Variants in ABLIM1 observed in about 807,000 individuals in gnomAD.
The protein encoded by ABLIM1 is actin-binding LIM protein 1.
A neutral mutation model predicts 107.0 loss-of-function variants in ABLIM1; 40 were observed. The ratio of observed to expected loss-of-function variants is 0.37; its 90% CI spans 0.29 to 0.49. The LOEUF is 0.49. Among genes scored for constraint, ABLIM1 ranks in the 20% least tolerant of loss-of-function variants. The pLI is 0.97. For synonymous variants in ABLIM1, 357 were observed against 357.3 expected (o/e 1.00, Z 0.01); for missense variants, 857 against 1,008.5 (o/e 0.85, Z 2.04).
At chr10:114,798,566 C>CT in the ABLIM1 span, among the ~76,000 whole-genome samples, 2 of 146,002 alleles carry the variant, frequency 1.4e-5, no homozygotes, top group Non-Finnish European at 3.1e-5. Context: ...ACCCCCCCCC[C>CT]ATGTCTACAA....
the ABLIM1 span, among the ~76,000 whole-genome samples, chr10:114,780,628 G>T: frequency 3.9e-5 from 6 of 152,116 alleles, no homozygotes; most frequent in Non-Finnish European, 8.8e-5. Flanking sequence ...TTGGTTTGGT[G>T]GTGTGAAACT....
intron 1 of ABLIM1, among the ~76,000 whole-genome samples, chr10:114,755,489 C>T (rs2082609856): frequency 6.6e-6 from 1 of 152,202 alleles, no homozygotes. Context: ...CTATACCTTA[C>T]TCATTCCTGT....
intron 1 of ABLIM1, among the ~76,000 whole-genome samples, chr10:114,746,795 C>T (rs1341814756): frequency 6.6e-6 from 1 of 152,178 alleles, no homozygotes; most frequent in Non-Finnish European, 1.5e-5. Context: ...ATCTGCATCT[C>T]CCTAATGAGT....
At chr10:114,603,880 G>A (rs2140047444) in intron 1 of ABLIM1, among the ~76,000 whole-genome samples, 1 of 150,528 alleles carries the variant, frequency 6.6e-6, no homozygotes, top group South Asian at 2.1e-4. Flanking sequence ...TTGAACCCAG[G>A]AGGCAGAGGT....
chr10:114,792,695 C>T, the ABLIM1 span, among the ~76,000 whole-genome samples: 87 of 152,310 alleles, frequency 5.7e-4, no homozygotes, highest in African/African-American at 2.0e-3. Context: ...AATCCAATCC[C>T]ATGACTGTTA....
At chr10:114,477,914 G>A (rs1332951079) in intron 8 of ABLIM1, among the ~76,000 whole-genome samples, 3 of 152,092 alleles carry the variant, frequency 2.0e-5, no homozygotes, top group African/African-American at 7.2e-5. Context: ...AGTAGAGATG[G>A]GGTTTCACCC....
intron 6 of ABLIM1, chr10:114,526,694 C>G (rs945995388): frequency 1.0e-6 from 1 of 985,412 alleles, no homozygotes; most frequent in African/African-American, 1.7e-5. Context: ...TAATTCTGTT[C>G]CTTGGCTGTG....
intron 1 of ABLIM1, among the ~76,000 whole-genome samples, chr10:114,672,559 T>A (rs2080302333): frequency 1.3e-5 from 2 of 152,212 alleles, no homozygotes; most frequent in African/African-American, 4.8e-5. Flanking sequence ...TGTAACTATC[T>A]TCTCCTAGAT....
chr10:114,510,881 G>A (rs1314243022), intron 6 of ABLIM1, among the ~76,000 whole-genome samples: 2 of 151,698 alleles, frequency 1.3e-5, no homozygotes, highest in Admixed American at 6.6e-5. Context: ...CAAACTCCTG[G>A]GCTCAAGGGA....
chr10:114,548,543 G>A (rs1346803454), intron 4 of ABLIM1, among the ~76,000 whole-genome samples: 1 of 152,196 alleles, frequency 6.6e-6, no homozygotes, highest in African/African-American at 2.4e-5. Context: ...GCCCTCTGAT[G>A]AGGATTCAGT....
At chr10:114,725,735 A>ATG (rs3981295) in intron 1 of ABLIM1, among the ~76,000 whole-genome samples, 15,693 of 142,160 alleles carry the variant, frequency 0.11, 841 homozygotes, top group Admixed American at 0.17. Flanking sequence ...TATATATAAA[A>ATG]TGTGTGTGTG....
intron 6 of ABLIM1, among the ~76,000 whole-genome samples, chr10:114,509,180 G>A (rs1565698731): frequency 6.6e-6 from 1 of 152,186 alleles, no homozygotes; most frequent in Non-Finnish European, 1.5e-5. Flanking sequence ...GACAACCAGG[G>A]TCACATAAGG....
chr10:114,447,403 A>C (rs2061175857), intron 15 of ABLIM1, among the ~76,000 whole-genome samples: 1 of 152,368 alleles, frequency 6.6e-6, no homozygotes, highest in East Asian at 1.9e-4. Flanking sequence ...AGAAAAATGA[A>C]AGTGCTTCAG....
At chr10:114,746,768 A>G (rs808319) in intron 1 of ABLIM1, among the ~76,000 whole-genome samples, 8,752 of 152,222 alleles carry the variant, frequency 0.057, 329 homozygotes, top group Middle Eastern at 0.095. Flanking sequence ...GTGAGGTGAT[A>G]TTTCATTGTA....
At chr10:114,497,314 A>G (rs527442901) in intron 6 of ABLIM1, among the ~76,000 whole-genome samples, 2 of 152,334 alleles carry the variant, frequency 1.3e-5, no homozygotes, top group African/African-American at 4.8e-5. Context: ...CGGTGCTGCT[A>G]GAGAGCTCAC....
At chr10:114,518,785 A>C (rs2063296846) in intron 6 of ABLIM1, among the ~76,000 whole-genome samples, 1 of 151,076 alleles carries the variant, frequency 6.6e-6, no homozygotes, top group Admixed American at 6.6e-5. Context: ...TTACTCAGTT[A>C]TTCATTTATT....
At chr10:114,760,685 C>T (rs1455318272) in intron 1 of ABLIM1, among the ~76,000 whole-genome samples, 1 of 152,166 alleles carries the variant, frequency 6.6e-6, no homozygotes, top group East Asian at 1.9e-4. Flanking sequence ...TACACAAGTT[C>T]CCAAAAATTA....
intron 7 of ABLIM1, among the ~76,000 whole-genome samples, chr10:114,490,429 G>A (rs1565572643): frequency 6.6e-6 from 1 of 152,222 alleles, no homozygotes; most frequent in South Asian, 2.1e-4. Flanking sequence ...TTCCTAAGTT[G>A]CCTAAAAACA....
At chr10:114,611,510 AT>A (rs2076809081) in intron 1 of ABLIM1, among the ~76,000 whole-genome samples, 1 of 151,908 alleles carries the variant, frequency 6.6e-6, no homozygotes, top group East Asian at 1.9e-4. Context: ...CTGATACTTG[AT>A]TTGCCTTTTC....
Sources: allele counts gnomAD v4.1 joint callset (sites outside exome capture counted in the v4.1 genomes callset), GRCh38; gene constraint gnomAD v4.1.1; transcripts MANE v1.5; gene names NCBI Gene and HGNC (gene_info 2026-07-23, HGNC 2026-07-21).